Variants in TCHP observed in about 807,000 individuals in gnomAD.
TCHP encodes the protein trichoplein keratin filament-binding protein.
A neutral mutation model predicts 88.7 loss-of-function variants in TCHP; 81 were observed. That is an observed-to-expected ratio of 0.91 (90% confidence interval 0.76 to 1.10). The LOEUF (loss-of-function observed/expected upper bound fraction) is 1.10. Among genes scored for constraint, TCHP ranks in the 50% least tolerant of loss-of-function variants. TCHP has a pLI of 0.00. For synonymous variants in TCHP, 232 were observed against 232.5 expected, an observed-to-expected ratio of 1.00 and a Z score of 0.02; for missense variants, 641 against 632.1, an observed-to-expected ratio of 1.01 and a Z score of -0.15.
At position 109,908,645 on chromosome 12, in the gene TCHP, G is replaced by T. The variant is rs780420695; in HGVS notation, c.759G>T (p.Arg253Ser). 3 of 1,602,000 alleles carry T rather than the reference G, an allele frequency of 1.9e-6. No homozygotes were observed. In the African/African-American group the frequency reaches 4.0e-5, roughly 21 times the overall value. ...TGAAGCAGCGGTGGGAGCTAGAGAG[G>T]CTGGAGGAAGAGCGAAAGCAGATGG... is the stretch of plus-strand genomic sequence containing the variant. ...NLLKQRWELERLEEERKQMEA... is the reference protein window; with the variant it reads ...NLLKQRWELESLEEERKQMEA... The change falls in exon 7 of 13, where the codon AGG (arginine) becomes AGT (serine). Residue 253 changes from arginine to serine, a missense_variant. Physicochemically the swap from Arg to Ser is moderately radical, Grantham distance 110 (BLOSUM62 -1). Coordinates refer to ENST00000405876, the MANE Select transcript of TCHP (RefSeq NM_001143852.2).
the TCHP span, among the ~76,000 whole-genome samples, chr12:109,893,670 C>G: frequency 6.6e-6 from 1 of 152,298 alleles, no homozygotes; most frequent in South Asian, 2.1e-4. Flanking sequence ...GACAGCCACT[C>G]TCTAGGAGAG....
chr12:109,903,336 T>A lies in TCHP; in HGVS notation c.188+122T>A, dbSNP rs1348807054. On this transcript the variant is annotated intron_variant, in intron 2 of 12. Transcript: ENST00000405876. This position sits in a 1 kb window ranked among gnomAD's most constrained non-coding sequence, Gnocchi z 4.6. ...GCAGTATGAATTACCTGCATGGTGA[T>A]GTTTTTCCAGCTGGAAATGGAAAAA... 1.2e-6 allele frequency: 1 copy of A among 864,978 alleles called. No individual in the cohort carries two copies. The highest frequency in any genetic ancestry group is 1.7e-5 in the African/African-American group (1 of 59,562). The allele number at this position is 864,978 out of a possible 1,614,324, so 53.6% of individuals were successfully genotyped here.
the TCHP span, among the ~76,000 whole-genome samples, chr12:109,884,198 C>CT: frequency 1.3e-5 from 2 of 150,182 alleles, no homozygotes; most frequent in South Asian, 2.1e-4. Flanking sequence ...TTTTTTTTTT[C>CT]TTTTTTTTGA....
At position 109,916,591 on chromosome 12, in the gene TCHP, C is replaced by T. The variant is rs991216939; in HGVS notation, c.1465C>T (p.Pro489Ser). 1.2e-6 allele frequency: 2 copies of T among 1,613,320 alleles called. No homozygotes were observed. The highest frequency in any genetic ancestry group is 1.3e-5 in the African/African-American group (1 of 75,022). ...TMAEQGYRPK[P>S]YGHPKIAWN Reference sequence around the variant, plus strand: ...TCTTATGTTTTCTTTCTTTTCTCAGCCTTACGGACATCCAAAAATTGCTTG... The same window carrying T: ...TCTTATGTTTTCTTTCTTTTCTCAGTCTTACGGACATCCAAAAATTGCTTG... Residue 489 changes from proline (P) to serine (S), a missense_variant and splice_region_variant, in exon 13 of 13, where the codon CCT becomes TCT. Coordinates refer to ENST00000405876, the MANE Select transcript of TCHP (RefSeq NM_001143852.2).
chr12:109,901,807 AAATC>A (rs1869813408), intron 1 of TCHP, among the ~76,000 whole-genome samples: 1 of 152,236 alleles, frequency 6.6e-6, no homozygotes, highest in African/African-American at 2.4e-5. Context: ...GTATAAAGGA[AAATC>A]AAGCCCCTTC....
chr12:109,915,412 C>T lies in TCHP; in HGVS notation c.1330C>T (p.Arg444Cys), dbSNP rs1179094854. ...TGCTCTTGGCACTCAGGTTGCAGAG[C>T]GCCGGCTGCAGGCATGGGAAGCAGA... ...KQELEAQVAERRLQAWEADQQ... is the reference protein window; with the variant it reads ...KQELEAQVAECRLQAWEADQQ... The change falls in exon 12 of 13, where the codon CGC becomes TGC. Residue 444 changes from arginine to cysteine, a missense_variant. Transcript: ENST00000405876. 9 of 1,614,106 alleles carry T rather than the reference C, an allele frequency of 5.6e-6. No homozygotes were observed. Among genetic ancestry groups the T allele is most frequent in the South Asian group, 2.2e-5 (2 of 91,080 alleles).
the TCHP span, among the ~76,000 whole-genome samples, chr12:109,886,221 T>C: frequency 6.6e-6 from 1 of 152,124 alleles, no homozygotes; most frequent in Non-Finnish European, 1.5e-5. Flanking sequence ...CACTAAAACC[T>C]CTACCTCCCA....
intron 6 of TCHP, 46 bp downstream of exon 6, chr12:109,907,745 G>A (rs922475245): frequency 1.7e-5 from 27 of 1,548,494 alleles, no homozygotes; most frequent in Non-Finnish European, 2.0e-5. Context: ...ACAGCTGCTC[G>A]TTAGCATGAG....
chr12:109,896,963 G>A (rs1407305569), upstream of TCHP, among the ~76,000 whole-genome samples: 1 of 152,064 alleles, frequency 6.6e-6, no homozygotes, highest in Non-Finnish European at 1.5e-5. Context: ...GATAGATAGA[G>A]TGCTTACCAC....
intron 10 of TCHP, among the ~76,000 whole-genome samples, chr12:109,913,747 G>A (rs534765901): frequency 2.6e-5 from 4 of 152,346 alleles, no homozygotes; most frequent in South Asian, 4.1e-4. Flanking sequence ...GAAACTCTAC[G>A]TTGTGTCTGG....
At position 109,912,989 on chromosome 12, in the gene TCHP, A is replaced by G. The variant is rs1305061585; in HGVS notation, c.1053-2A>G. The G allele has an allele frequency of 6.2e-7, 1 of 1,613,794 alleles. No homozygotes were observed. ...GCTGTCATCCCTTTTGTGTTTGCCC[A>G]GGGAGGAGGCCAAGGAGATGTGGGA... On this transcript the variant is annotated splice_acceptor_variant, in intron 9 of 12. Coordinates refer to ENST00000405876, the MANE Select transcript of TCHP (RefSeq NM_001143852.2). LOFTEE classifies it high-confidence loss of function.
chr12:109,891,022 G>A, the TCHP span, among the ~76,000 whole-genome samples: 1 of 152,200 alleles, frequency 6.6e-6, no homozygotes, highest in African/African-American at 2.4e-5. Context: ...ACGAGTCCGG[G>A]TAATGGTTTT....
chr12:109,892,140 T>C, the TCHP span, among the ~76,000 whole-genome samples: 1 of 152,080 alleles, frequency 6.6e-6, no homozygotes, highest in African/African-American at 2.4e-5. Flanking sequence ...TGACCTGAGA[T>C]TGTGCCATTG....
At position 109,916,748 on chromosome 12, in the gene TCHP, C is replaced by G. The variant is rs983770743; in HGVS notation, c.*125C>G. 14 of 836,116 alleles carry G rather than the reference C, an allele frequency of 1.7e-5. No individual in the cohort carries two copies. Among genetic ancestry groups the G allele is most frequent in the Non-Finnish European group, 2.5e-5 (13 of 525,968 alleles). The allele number at this position is 836,116 out of a possible 1,614,324, so 51.8% of individuals were successfully genotyped here. On this transcript the variant is annotated 3_prime_UTR_variant, in exon 13 of 13. Transcript: ENST00000405876. ...GGCACTGTCAGATGGCTCAGCAGTG[C>G]CTGCTCAGGTTCATCATTGAAACAT...
Position 109,903,965 on chromosome 12 carries a change from AAGG to A in TCHP, c.223_225del (p.Glu75del), listed in dbSNP as rs1869968610. The stretch of plus-strand genomic sequence containing the variant: ...GCATGCCTATCAGCGGGAGAAGATG[AAGG>A]AGGAGAAGAGGAGGAGTCTGGAGGC... On this transcript the variant is annotated inframe_deletion, in exon 3 of 13. Coordinates refer to ENST00000405876, the MANE Select transcript of TCHP (RefSeq NM_001143852.2). This position sits in a 1 kb window ranked among gnomAD's most constrained non-coding sequence, Gnocchi z 4.6. 1 of 1,609,982 alleles carries A rather than the reference AAGG, an allele frequency of 6.2e-7. No homozygotes were observed. The highest frequency in any genetic ancestry group is 8.5e-7 in the Non-Finnish European group (1 of 1,178,648).
chr12:109,911,918 C>T (rs1870521652), intron 9 of TCHP, among the ~76,000 whole-genome samples: 1 of 152,026 alleles, frequency 6.6e-6, no homozygotes, highest in South Asian at 2.1e-4. Context: ...GCCTCAGCCT[C>T]CCGAGTAGCT....
intron 12 of TCHP, 147 bp downstream of exon 12, chr12:109,915,693 T>C: frequency 9.4e-7 from 1 of 1,062,500 alleles, no homozygotes; most frequent in East Asian, 2.6e-5. Context: ...TGTATTTCTC[T>C]CTTCCCTGAC....
chr12:109,895,967 G>A (rs552333695), upstream of TCHP, among the ~76,000 whole-genome samples: 112 of 151,266 alleles, frequency 7.4e-4, 1 homozygote, highest in Middle Eastern at 6.9e-3. Context: ...TTTTTTTTGA[G>A]ATGGAGTCTC....
rs767017331 is a variant in TCHP, at chr12:109,913,030, G to A, written c.1092G>A (p.Glu364=). ...AGATGTGGGAAAAGAGAGAGGCAGAGTGGGCCCGAGAGCGCAGCGCACGGG... is the reference window on the plus strand; with the variant it reads ...AGATGTGGGAAAAGAGAGAGGCAGAATGGGCCCGAGAGCGCAGCGCACGGG... ...AKEMWEKREA[E]WARERSARDR... is the part of the protein sequence containing the mutation. The change falls in exon 10 of 13, where the codon GAG becomes GAA. Residue 364 remains glutamate, a synonymous_variant. Coordinates refer to ENST00000405876, the MANE Select transcript of TCHP (RefSeq NM_001143852.2). 2.5e-6 allele frequency: 4 copies of A among 1,613,884 alleles called. No homozygotes were observed. The South Asian group carries it at 4.4e-5, about 18-fold the overall frequency.
Sources: gnomAD v4.1 joint callset for allele counts (sites outside exome capture counted in the v4.1 genomes callset) on GRCh38, gnomAD v4.1.1 for gene constraint, Gnocchi (gnomAD v3.1) non-coding constraint, MANE v1.5 for transcripts, NCBI Gene and HGNC (gene_info 2026-07-23, HGNC 2026-07-21) for gene names.